Variants in ZBTB48 observed in about 807,000 individuals in gnomAD.
ZBTB48 encodes zinc finger and BTB domain containing 48, also known as zinc finger and BTB domain-containing protein 48.
ZBTB48 carries 35 observed loss-of-function variants against 64.5 expected under a neutral mutation model. The ratio of observed to expected loss-of-function variants is 0.54; its 90% CI spans 0.41 to 0.72. The LOEUF is 0.72. ZBTB48 is among the 30% of genes least tolerant of loss of function. The probability of loss-of-function intolerance (pLI) is 0.00; values close to 1 mark genes in which losing one functional copy is unlikely to be tolerated. For missense variants in ZBTB48, 828 were observed against 895.3 expected (o/e 0.92, Z 0.96); for synonymous variants, 442 against 356.7 (o/e 1.24, Z -2.70).
At chr1:6,586,622 G>A (rs1298131141) in intron 4 of ZBTB48, 73 bp from the exon 5 acceptor site, 11 of 1,358,562 alleles carry the variant, frequency 8.1e-6, no homozygotes, top group South Asian at 1.5e-5. Flanking sequence ...GCAAGCGGAA[G>A]CCCGGGCAGA....
rs1194485384 is a variant in ZBTB48, at chr1:6,587,576, T to C, written c.1323T>C (p.Cys441=). ...RGEKLFVCEE[C]GHRASSRNGL... is the part of the protein sequence containing the mutation. ...AGAAGCTGTTTGTGTGTGAGGAGTGTGGGCACCGGGCCTCGAGCCGGAATG... is the reference window on the plus strand; with the variant it reads ...AGAAGCTGTTTGTGTGTGAGGAGTGCGGGCACCGGGCCTCGAGCCGGAATG... Residue 441 remains cysteine (C), a synonymous_variant, in exon 7 of 11, where the codon TGT becomes TGC. Transcript: ENST00000377674. 1.2e-6 allele frequency: 2 copies of C among 1,613,884 alleles called. No individual in the cohort carries two copies. The highest frequency in any genetic ancestry group is 4.5e-5 in the East Asian group (2 of 44,884).
intron 2 of ZBTB48, 52 bp downstream of exon 2, chr1:6,581,351 C>T: frequency 2.0e-6 from 3 of 1,506,326 alleles, no homozygotes; most frequent in Non-Finnish European, 1.8e-6. Context: ...GGAATAGACA[C>T]TTTTTTGGTA....
In ZBTB48 at chr1:6,589,097, T is replaced by C. The variant is rs745712653; in HGVS notation, c.1952T>C (p.Leu651Pro). 2 of 1,608,442 alleles carry C rather than the reference T, an allele frequency of 1.2e-6. No individual in the cohort carries two copies. The highest frequency in any genetic ancestry group is 2.2e-5 in the East Asian group (1 of 44,858). Residue 651 changes from leucine to proline, a missense_variant, in exon 11 of 11, where the codon CTG becomes CCG. Coordinates refer to ENST00000377674, the MANE Select transcript of ZBTB48 (RefSeq NM_005341.4). ...VIVESLAQGG[L>P]ASQLPGQRLC... ...GTGGAGTCCCTGGCCCAGGGCGGCC[T>C]GGCCTCCCAGCTCCCCGGCCAGAGA... is the stretch of plus-strand genomic sequence containing the variant.
Position 6,581,039 on chromosome 1 carries a change from G to T in ZBTB48, c.430G>T (p.Glu144Ter). The T allele has an allele frequency of 1.9e-6, 3 of 1,613,400 alleles. No homozygotes were observed. The highest frequency in any genetic ancestry group is 2.5e-6 in the Non-Finnish European group (3 of 1,180,018). The change falls in exon 2 of 11, where the codon GAG becomes TAG. Residue 144 changes from glutamate (E) to a stop codon, truncating the protein, a stop_gained. Transcript: ENST00000377674. LOFTEE classifies it high-confidence loss of function. ...ASQNVNSHVKEPAGLEEEEVS... is the reference protein window; with the variant it reads ...ASQNVNSHVK ...CCAGAATGTGAACAGCCACGTCAAG[G>T]AGCCGGCAGGCTTGGAAGAAGAGGA...
At position 6,588,883 on chromosome 1, in the gene ZBTB48, C is replaced by T. The variant is rs372705598; in HGVS notation, c.1771-33C>T. 2.1e-5 allele frequency: 34 copies of T among 1,613,770 alleles called. No individual in the cohort carries two copies. In the African/African-American group the frequency reaches 3.9e-4, roughly 18 times the overall value. On this transcript the variant is annotated intron_variant, in intron 10 of 10. Coordinates refer to ENST00000377674, the MANE Select transcript of ZBTB48 (RefSeq NM_005341.4). ...TGGGCCCCTTCCCCTACCCTAGGATCCCCCAAAGTTCTGAGCTCACCCTCC... is the reference window on the plus strand; with the variant it reads ...TGGGCCCCTTCCCCTACCCTAGGATTCCCCAAAGTTCTGAGCTCACCCTCC...
chr1:6,582,059 G>A lies in ZBTB48; in HGVS notation c.692G>A (p.Trp231Ter). The A allele has an allele frequency of 6.2e-7, 1 of 1,613,898 alleles. No homozygotes were observed. ...CTCCTGCTGCCTATTGTGCTCTAGTGGGAAGTGGTGGTTCAAGTGGAGGAT... is the reference window on the plus strand; with the variant it reads ...CTCCTGCTGCCTATTGTGCTCTAGTAGGAAGTGGTGGTTCAAGTGGAGGAT... ...GAQLQGGSNE[W>*]EVVVQVEDDG... is the part of the protein sequence containing the mutation. Residue 231 changes from tryptophan to a stop codon, truncating the protein, a stop_gained and splice_region_variant, in exon 3 of 11, where the codon TGG becomes TAG. Coordinates refer to ENST00000377674, the MANE Select transcript of ZBTB48 (RefSeq NM_005341.4). LOFTEE classifies it high-confidence loss of function.
intron 3 of ZBTB48, 112 bp downstream of exon 3, chr1:6,582,411 ACC>A: frequency 2.9e-6 from 4 of 1,387,320 alleles, no homozygotes; most frequent in Middle Eastern, 1.9e-4. Flanking sequence ...TCCATCTCAG[ACC>A]CACATAGTGT....
In ZBTB48 at chr1:6,589,114, G is replaced by T; in HGVS notation, c.1969G>T (p.Gly657Cys). ...AQGGLASQLP[G>C]QRLCAEESFT... ...GGGCGGCCTGGCCTCCCAGCTCCCC[G>T]GCCAGAGACTGTGTGCAGAGGAGAG... The change falls in exon 11 of 11, where the codon GGC becomes TGC. Residue 657 changes from glycine to cysteine, a missense_variant. Coordinates refer to ENST00000377674, the MANE Select transcript of ZBTB48 (RefSeq NM_005341.4). 1 of 1,607,472 alleles carries T rather than the reference G, an allele frequency of 6.2e-7. No homozygotes were observed. Among genetic ancestry groups the T allele is most frequent in the Non-Finnish European group, 8.5e-7 (1 of 1,177,606 alleles).
rs1169198451 is a variant in ZBTB48, at chr1:6,584,939, G to A, written c.933-980G>A. The stretch of plus-strand genomic sequence containing the variant: ...GCCAGCAAGGCTTTGTGGGTGCTTG[G>A]GATGCATTTAAGGGAACTAAACAAA... On this transcript the variant is annotated intron_variant, in intron 3 of 10. Coordinates refer to ENST00000377674, the MANE Select transcript of ZBTB48 (RefSeq NM_005341.4). The surrounding 1 kb of genome is among the most constrained non-coding windows in gnomAD (Gnocchi z 4.5). Among the ~76,000 whole-genome samples, 1 of 152,054 alleles carries A rather than the reference G, an allele frequency of 6.6e-6. No individual in the cohort carries two copies. The highest frequency in any genetic ancestry group is 2.4e-5 in the African/African-American group (1 of 41,386).
At chr1:6,583,353 T>C (rs1412044992) in intron 3 of ZBTB48, among the ~76,000 whole-genome samples, 1 of 152,116 alleles carries the variant, frequency 6.6e-6, no homozygotes, top group African/African-American at 2.4e-5. Flanking sequence ...CAGGCTGGAG[T>C]GCAGTGGCAT....
rs775065385 is a variant in ZBTB48 at position 6,581,312 on chromosome 1, G to C, written c.690+13G>C. On this transcript the variant is annotated intron_variant, in intron 2 of 10. Coordinates refer to ENST00000377674, the MANE Select transcript of ZBTB48 (RefSeq NM_005341.4). ...CGGCAGTAATGAGGTACTGTGCCCA[G>C]GGTGTTGGGACTGGGGAGACAAATA... 7 of 1,582,140 alleles carry C rather than the reference G, an allele frequency of 4.4e-6. 1 individual carries two copies. In the Admixed American group the frequency reaches 9.0e-5, roughly 20 times the overall value.
intron 3 of ZBTB48, among the ~76,000 whole-genome samples, chr1:6,583,210 C>G (rs1448106557): frequency 6.7e-6 from 1 of 148,970 alleles, no homozygotes; most frequent in African/African-American, 2.5e-5. Context: ...ATGATGGTCT[C>G]AATCTCCTGA....
In ZBTB48 at chr1:6,584,894, A is replaced by ATTAAGCAGTCTACCAGG. The variant is rs1553189990; in HGVS notation, c.933-1023_933-1007dup. Among the ~76,000 whole-genome samples the ATTAAGCAGTCTACCAGG allele has an allele frequency of 6.6e-6, 1 of 152,156 alleles. No homozygotes were observed. Among genetic ancestry groups the ATTAAGCAGTCTACCAGG allele is most frequent in the African/African-American group, 2.4e-5 (1 of 41,434 alleles). On this transcript the variant is annotated intron_variant, in intron 3 of 10. Coordinates refer to ENST00000377674, the MANE Select transcript of ZBTB48 (RefSeq NM_005341.4). The surrounding 1 kb of genome is among the most constrained non-coding windows in gnomAD (Gnocchi z 4.5). ...GAGGTCGAGTTCGTTTAGTTCATTGATTAAGCAGTCTACCAGGTGGCCAGC... is the reference window on the plus strand; with the variant it reads ...GAGGTCGAGTTCGTTTAGTTCATTGATTAAGCAGTCTACCAGGTTAAGCAGTCTACCAGGTGGCCAGC...
At chr1:6,587,085 G>T (rs761095435) in intron 5 of ZBTB48, 120 bp from the exon 6 acceptor site, 1 of 1,113,386 alleles carries the variant, frequency 9.0e-7, no homozygotes, top group Admixed American at 2.0e-5. Flanking sequence ...CAGATCAGGG[G>T]TCCTCCCAGA....
Position 6,580,883 on chromosome 1 carries a change from C to G in ZBTB48, c.274C>G (p.Arg92Gly). Residue 92 changes from arginine to glycine, a missense_variant, in exon 2 of 11, where the codon CGG (arginine) becomes GGG (glycine). Arg to Gly is a moderately radical substitution (Grantham distance 125, BLOSUM62 -2). Transcript: ENST00000377674. The surrounding 1 kb of genome is among the most constrained non-coding windows in gnomAD (Gnocchi z 5.2). ...TCACCTCGCTCTCACCTCAGGGAACCGGGATCAGGTGCTCCTGGCAGCCAG... is the reference window on the plus strand; with the variant it reads ...TCACCTCGCTCTCACCTCAGGGAACGGGGATCAGGTGCTCCTGGCAGCCAG... ...TGHLALTSGNRDQVLLAAREL... is the reference protein window; with the variant it reads ...TGHLALTSGNGDQVLLAAREL... The G allele has an allele frequency of 6.2e-7, 1 of 1,614,118 alleles. No individual in the cohort carries two copies. The highest frequency in any genetic ancestry group is 8.5e-7 in the Non-Finnish European group (1 of 1,180,048).
In ZBTB48 at chr1:6,587,584, G is replaced by C. The variant is rs772985080; in HGVS notation, c.1331G>C (p.Arg444Pro). The C allele has an allele frequency of 6.2e-7, 1 of 1,613,826 alleles. No individual in the cohort carries two copies. The highest frequency in any genetic ancestry group is 1.7e-5 in the Admixed American group (1 of 60,020). The change falls in exon 7 of 11, where the codon CGG (arginine) becomes CCG (proline). Residue 444 changes from arginine (R) to proline (P), a missense_variant. Coordinates refer to ENST00000377674, the MANE Select transcript of ZBTB48 (RefSeq NM_005341.4). ...TTTGTGTGTGAGGAGTGTGGGCACCGGGCCTCGAGCCGGAATGGCCTGCAG... is the reference window on the plus strand; with the variant it reads ...TTTGTGTGTGAGGAGTGTGGGCACCCGGCCTCGAGCCGGAATGGCCTGCAG... ...KLFVCEECGH[R>P]ASSRNGLQMH... is the part of the protein sequence containing the mutation.
At chr1:6,588,463 G>A in intron 9 of ZBTB48, 21 bp downstream of exon 9, 1 of 1,492,450 alleles carries the variant, frequency 6.7e-7, no homozygotes, top group Non-Finnish European at 8.9e-7. Context: ...GGCCCTGGGA[G>A]AGCCATTTCC....
Position 6,581,224 on chromosome 1 carries a change from G to A in ZBTB48, c.615G>A (p.Lys205=). The change falls in exon 2 of 11, where the codon AAG becomes AAA. Residue 205 remains lysine (K), a synonymous_variant. Transcript: ENST00000377674. ...QALKPCPLED[K]KPEDCKVPPR... Reference sequence around the variant, plus strand: ...TGAAGCCTTGTCCCCTTGAGGACAAGAAACCCGAGGACTGCAAAGTGCCCC... The same window carrying A: ...TGAAGCCTTGTCCCCTTGAGGACAAAAAACCCGAGGACTGCAAAGTGCCCC... 1 of 1,613,124 alleles carries A rather than the reference G, an allele frequency of 6.2e-7. No individual in the cohort carries two copies. The highest frequency in any genetic ancestry group is 8.5e-7 in the Non-Finnish European group (1 of 1,179,998).
At position 6,580,581 on chromosome 1, in the gene ZBTB48, G is replaced by A. The variant is rs767721326; in HGVS notation, c.-29G>A. 1 of 1,589,338 alleles carries A rather than the reference G, an allele frequency of 6.3e-7. No homozygotes were observed. Among genetic ancestry groups the A allele is most frequent in the Non-Finnish European group, 8.6e-7 (1 of 1,165,032 alleles). ...TACCCTCGCTTAGGCTGGCCGGGGT[G>A]TCACTTCTGCCTCCCTGCCCTCCAG... On this transcript the variant is annotated 5_prime_UTR_variant, in exon 2 of 11. Transcript: ENST00000377674. The surrounding 1 kb of genome is among the most constrained non-coding windows in gnomAD (Gnocchi z 5.2).
Sources: allele counts gnomAD v4.1 joint callset (sites outside exome capture counted in the v4.1 genomes callset), GRCh38; gene constraint gnomAD v4.1.1; non-coding constraint Gnocchi (gnomAD v3.1); transcripts MANE v1.5; gene names NCBI Gene and HGNC (gene_info 2026-07-23, HGNC 2026-07-21).